The following AURKA variants were observed in gnomAD, a reference collection of about 807,000 sequenced individuals.
The protein encoded by AURKA is aurora 2.
AURKA carries 12 observed loss-of-function variants against 40.9 expected under a neutral mutation model. That is an observed-to-expected ratio of 0.29 (90% CI 0.19 to 0.48). The LOEUF is 0.48. Among genes scored for constraint, AURKA ranks in the 20% least tolerant of loss-of-function variants. The pLI, the probability that AURKA is intolerant of heterozygous loss-of-function variation, is 0.99. For missense variants in AURKA, 322 were observed against 462.1 expected, an observed-to-expected ratio of 0.70 and a Z score of 2.78; for synonymous variants, 170 against 164.3, an observed-to-expected ratio of 1.03 and a Z score of -0.26.
intron 2 of AURKA, among the ~76,000 whole-genome samples, chr20:56,387,441 C>T (rs958150170): frequency 2.6e-5 from 4 of 152,180 alleles, no homozygotes; most frequent in African/African-American, 9.7e-5. Context: ...CGTGAGCCAC[C>T]GCGCCCAGCC....
intron 5 of AURKA, among the ~76,000 whole-genome samples, chr20:56,382,163 C>CAA (rs1387011548): frequency 1.9e-5 from 2 of 104,874 alleles, no homozygotes; most frequent in Admixed American, 1.0e-4. Flanking sequence ...GACTCCATCT[C>CAA]AAAAAAAAAA....
At position 56,386,393 on chromosome 20, in the gene AURKA, T is replaced by C. The variant is rs763813002; in HGVS notation, c.183A>G (p.Ala61=). 1 of 1,614,192 alleles carries C rather than the reference T, an allele frequency of 6.2e-7. No homozygotes were observed. Among genetic ancestry groups the C allele is most frequent in the Non-Finnish European group, 8.5e-7 (1 of 1,180,022 alleles). The change falls in exon 3 of 9, where the codon GCA becomes GCG. Residue 61 remains alanine (A), a synonymous_variant. Transcript: ENST00000395915. ...GCTTGTGACTGGAGACAAGCTTTTG[T>C]GCTTGCAAAGGAATGCGCTGGGAAG... is the stretch of plus-strand genomic sequence containing the variant. The part of the protein sequence containing the change: ...SNSSQRIPLQ[A]QKLVSSHKPV...
chr20:56,375,119 A>G (rs927416972), intron 6 of AURKA, among the ~76,000 whole-genome samples: 4 of 151,864 alleles, frequency 2.6e-5, no homozygotes, highest in African/African-American at 7.3e-5. Context: ...TCCAGTATGT[A>G]TGTATTTACT....
Position 56,369,416 on chromosome 20 carries a change from T to C in AURKA, c.*742A>G, listed in dbSNP as rs2146114013. The C allele has an allele frequency of 4.3e-6, 1 of 231,122 alleles. No individual in the cohort carries two copies. The highest frequency in any genetic ancestry group is 8.6e-6 in the Non-Finnish European group (1 of 116,784). 14.3% of individuals were successfully genotyped at this position (231,122 alleles called of 1,614,324 possible). On this transcript the variant is annotated 3_prime_UTR_variant, in exon 9 of 9. Coordinates refer to ENST00000395915, the MANE Select transcript of AURKA (RefSeq NM_198437.3). Reference sequence around the variant, plus strand: ...ACATAGATACTTATTTATTTGCATATTTAAAGTTTACACACATGCTATGAC... The same window carrying C: ...ACATAGATACTTATTTATTTGCATACTTAAAGTTTACACACATGCTATGAC...
At chr20:56,371,605 G>C (rs1001452897) in intron 7 of AURKA, among the ~76,000 whole-genome samples, 6 of 151,526 alleles carry the variant, frequency 4.0e-5, no homozygotes, top group African/African-American at 1.5e-4. Context: ...GACTGGTCTG[G>C]CTTTAGACCA....
intron 3 of AURKA, 50 bp downstream of exon 3, chr20:56,386,207 G>A (rs1434964961): frequency 1.2e-6 from 2 of 1,610,748 alleles, no homozygotes; most frequent in East Asian, 4.5e-5. Flanking sequence ...GGCTTTTTTA[G>A]CAACGACGAC....
Position 56,373,566 on chromosome 20 carries a change from C to G in AURKA, c.706-10G>C, listed in dbSNP as rs775230701. 2 of 1,613,600 alleles carry G rather than the reference C, an allele frequency of 1.2e-6. No homozygotes were observed. The highest frequency in any genetic ancestry group is 1.7e-6 in the Non-Finnish European group (2 of 1,179,502). On this transcript the variant is annotated splice_polypyrimidine_tract_variant and intron_variant, in intron 6 of 8. Transcript: ENST00000395915. The surrounding 1 kb of genome is among the most constrained non-coding windows in gnomAD (Gnocchi z 5.0). ...CCAATTCTGTTATATACTGTTAAAA[C>G]AATATTGAAAGCCTATGTTTTAGAT...
intron 1 of AURKA, 167 bp downstream of exon 1, chr20:56,392,001 G>A (rs900589746): frequency 1.3e-5 from 2 of 152,002 alleles, no homozygotes; most frequent in African/African-American, 2.4e-5. Context: ...CCCAGGAGCG[G>A]ATGCAAAGGC....
rs370119395 is a variant in AURKA, at chr20:56,386,495, C to T, written c.81G>A (p.Val27=). Residue 27 remains valine, a synonymous_variant, in exon 3 of 9, where the codon GTG becomes GTA. Coordinates refer to ENST00000395915, the MANE Select transcript of AURKA (RefSeq NM_198437.3). Reference sequence around the variant, plus strand: ...GATTCTGACAAGGAAATTGCTGAGTCACGAGAACACGTTTTGGACCTCCAA... The same window carrying T: ...GATTCTGACAAGGAAATTGCTGAGTTACGAGAACACGTTTTGGACCTCCAA... ...APVGGPKRVL[V]TQQFPCQNPL... The T allele has an allele frequency of 1.4e-5, 22 of 1,614,096 alleles. No homozygotes were observed. Among genetic ancestry groups the T allele is most frequent in the Non-Finnish European group, 1.9e-5 (22 of 1,180,050 alleles).
At chr20:56,379,695 C>T (rs1212459443) in intron 6 of AURKA, among the ~76,000 whole-genome samples, 3 of 152,186 alleles carry the variant, frequency 2.0e-5, no homozygotes, top group Non-Finnish European at 4.4e-5. Flanking sequence ...GGCGTGGTGG[C>T]TCACACCTGT....
chr20:56,377,151 G>A (rs777770196), intron 6 of AURKA, among the ~76,000 whole-genome samples: 6 of 152,052 alleles, frequency 3.9e-5, no homozygotes, highest in South Asian at 2.1e-4. Context: ...TTAGCTGGGC[G>A]TGGTGGTACC....
In AURKA at chr20:56,381,539, A is replaced by G; in HGVS notation, c.599T>C (p.Phe200Ser). The change falls in exon 6 of 9, where the codon TTC becomes TCC. Residue 200 changes from phenylalanine to serine, a missense_variant. Transcript: ENST00000395915. ...HPNILRLYGY[F>S]HDATRVYLIL... is the part of the protein sequence containing the mutation. Reference sequence around the variant, plus strand: ...TAGGTAGACTCTGGTAGCATCATGGAAATAACCATACAGTCTAAGAATATT... The same window carrying G: ...TAGGTAGACTCTGGTAGCATCATGGGAATAACCATACAGTCTAAGAATATT... 1 of 1,613,940 alleles carries G rather than the reference A, an allele frequency of 6.2e-7. No individual in the cohort carries two copies. Among genetic ancestry groups the G allele is most frequent in the Non-Finnish European group, 8.5e-7 (1 of 1,179,934 alleles).
chr20:56,386,215 G>A lies in AURKA; in HGVS notation c.319+42C>T, dbSNP rs1039627298. Reference sequence around the variant, plus strand: ...ATACACTGGCTTTTTTAGCAACGACGACAAAGAAGGACTATCCAATGAGTC... The same window carrying A: ...ATACACTGGCTTTTTTAGCAACGACAACAAAGAAGGACTATCCAATGAGTC... On this transcript the variant is annotated intron_variant, in intron 3 of 8. Transcript: ENST00000395915. The A allele has an allele frequency of 2.2e-5, 36 of 1,612,654 alleles. 1 individual carries two copies. Among genetic ancestry groups the A allele is most frequent in the Middle Eastern group, 1.6e-4 (1 of 6,080 alleles).
At chr20:56,377,253 G>T (rs1223070823) in intron 6 of AURKA, among the ~76,000 whole-genome samples, 1 of 152,170 alleles carries the variant, frequency 6.6e-6, no homozygotes, top group East Asian at 1.9e-4. Flanking sequence ...CCCCAGCCTG[G>T]CTGACAGAGT....
At chr20:56,388,511 C>A (rs1986658228) in intron 1 of AURKA, 3 of 407,154 alleles carry the variant, frequency 7.4e-6, no homozygotes, top group South Asian at 6.6e-5. Flanking sequence ...TACCTGCTAC[C>A]TTAAAAAAGT....
chr20:56,385,184 G>A (rs1356853384), intron 3 of AURKA, among the ~76,000 whole-genome samples: 1 of 152,232 alleles, frequency 6.6e-6, no homozygotes, highest in Non-Finnish European at 1.5e-5. Flanking sequence ...CTTTGGATAA[G>A]TTAACTGCTT....
At position 56,379,607 on chromosome 20, in the gene AURKA, G is replaced by A. The variant is rs548500693; in HGVS notation, c.705+1826C>T. On this transcript the variant is annotated intron_variant, in intron 6 of 8. Transcript: ENST00000395915. ...ACAGGGCTCCTTGGAGAAGTGGTTC[G>A]ATTCTAGGACTGGAGCAGGAAATAT... 4.7e-4 allele frequency among the ~76,000 whole-genome samples: 71 copies of A among 152,276 alleles called. 1 individual carries two copies. The highest frequency in any genetic ancestry group is 1.5e-3 in the African/African-American group (64 of 41,564).
At position 56,373,636 on chromosome 20, in the gene AURKA, C is replaced by T; in HGVS notation, c.706-80G>A. ...TATTAGACATCTCTTCCGAAAGGAACACAACATAGATTTAACATGGTTTGC... is the reference window on the plus strand; with the variant it reads ...TATTAGACATCTCTTCCGAAAGGAATACAACATAGATTTAACATGGTTTGC... On this transcript the variant is annotated intron_variant, in intron 6 of 8. Transcript: ENST00000395915. The surrounding 1 kb of genome is among the most constrained non-coding windows in gnomAD (Gnocchi z 5.0). 1 of 1,522,770 alleles carries T rather than the reference C, an allele frequency of 6.6e-7. No homozygotes were observed. The highest frequency in any genetic ancestry group is 9.1e-7 in the Non-Finnish European group (1 of 1,104,862). 94.3% of individuals were successfully genotyped at this position (1,522,770 alleles called of 1,614,324 possible). A position where few individuals can be genotyped will look rare whatever the true frequency, so the allele number is the denominator to read the frequency against.
chr20:56,373,405 T>G lies in AURKA; in HGVS notation c.854+3A>C. Reference sequence around the variant, plus strand: ...AACAACTTCCACCTCTAAAGTTACATACCTGGAAGATGGAGCATGTACTGA... The same window carrying G: ...AACAACTTCCACCTCTAAAGTTACAGACCTGGAAGATGGAGCATGTACTGA... On this transcript the variant is annotated splice_donor_region_variant and intron_variant, in intron 7 of 8. Transcript: ENST00000395915. The surrounding 1 kb of genome is among the most constrained non-coding windows in gnomAD (Gnocchi z 5.0). 5.0e-6 allele frequency: 8 copies of G among 1,613,260 alleles called. No individual in the cohort carries two copies. Among genetic ancestry groups the G allele is most frequent in the Non-Finnish European group, 5.9e-6 (7 of 1,180,012 alleles).
Sources: allele counts gnomAD v4.1 joint callset (sites outside exome capture counted in the v4.1 genomes callset), GRCh38; gene constraint gnomAD v4.1.1; non-coding constraint Gnocchi (gnomAD v3.1); transcripts MANE v1.5; gene names NCBI Gene and HGNC (gene_info 2026-07-23, HGNC 2026-07-21).